The following CHRNA7 variants were observed in gnomAD, a reference collection of about 807,000 sequenced individuals.
CHRNA7 encodes neuronal acetylcholine receptor subunit alpha-7.
A neutral mutation model predicts 48.0 loss-of-function variants in CHRNA7; 17 were observed. The ratio of observed to expected loss-of-function variants is 0.35; its 90% CI spans 0.24 to 0.53. The LOEUF (loss-of-function observed/expected upper bound fraction) is 0.53. Ranked by LOEUF, CHRNA7 falls within the 20% of genes least tolerant of loss-of-function variation. CHRNA7 has a pLI of 0.92. For missense variants in CHRNA7, 155 were observed against 577.7 expected, an observed-to-expected ratio of 0.27 and a Z score of 7.50; for synonymous variants, 75 against 242.3, an observed-to-expected ratio of 0.31 and a Z score of 6.41.
At chr15:32,097,592 ATTT>A (rs1004664705) in intron 2 of CHRNA7, among the ~76,000 whole-genome samples, 66 of 152,256 alleles carry the variant, frequency 4.3e-4, no homozygotes, top group Admixed American at 1.2e-3. Flanking sequence ...ACAAACTTCT[ATTT>A]TTTATAAGCT....
At chr15:32,049,562 C>T (rs931017232) in intron 2 of CHRNA7, among the ~76,000 whole-genome samples, 6 of 152,156 alleles carry the variant, frequency 3.9e-5, no homozygotes, top group African/African-American at 1.4e-4. Context: ...GATGGGTTTC[C>T]TGAATACAGC....
chr15:32,149,592 T>C lies in CHRNA7; in HGVS notation c.351-4315T>C, dbSNP rs184414892. 2.0e-4 allele frequency among the ~76,000 whole-genome samples: 30 copies of C among 152,368 alleles called. No homozygotes were observed. Among genetic ancestry groups the C allele is most frequent in the Non-Finnish European group, 4.0e-4 (27 of 68,038 alleles). On this transcript the variant is annotated intron_variant, in intron 4 of 9. Coordinates refer to ENST00000306901, the MANE Select transcript of CHRNA7 (RefSeq NM_000746.6). This position sits in a 1 kb window ranked among gnomAD's most constrained non-coding sequence, Gnocchi z 4.6. Reference sequence around the variant, plus strand: ...AAGAGTTTACTTTTATACTATGTACTTATAAAATCAATTTGCCTATGGGAA... The same window carrying C: ...AAGAGTTTACTTTTATACTATGTACCTATAAAATCAATTTGCCTATGGGAA...
intron 2 of CHRNA7, among the ~76,000 whole-genome samples, chr15:32,070,407 C>G (rs1049095032): frequency 5.3e-5 from 8 of 151,978 alleles, no homozygotes; most frequent in African/African-American, 1.9e-4. Flanking sequence ...TATGTGGACT[C>G]TAAATGTAAG....
At chr15:32,114,904 G>C (rs1388081247) in intron 4 of CHRNA7, among the ~76,000 whole-genome samples, 1 of 152,234 alleles carries the variant, frequency 6.6e-6, no homozygotes, top group Non-Finnish European at 1.5e-5. Flanking sequence ...CCACAGCGGG[G>C]CAGGTCTGGG....
rs535530714 is a variant in CHRNA7, at chr15:32,030,515, G to C, written c.-80G>C. 2 of 1,312,522 alleles carry C rather than the reference G, an allele frequency of 1.5e-6. No individual in the cohort carries two copies. Among genetic ancestry groups the C allele is most frequent in the East Asian group, 3.2e-5 (1 of 31,612 alleles). The allele number at this position is 1,312,522 out of a possible 1,614,324, so 81.3% of individuals were successfully genotyped here. ...AGGCGCGCGAGCCGAGCGGCGAGGT[G>C]CCTCTGTGGCCGCAGGCGCAGGCCC... On this transcript the variant is annotated 5_prime_UTR_variant, in exon 1 of 10. Transcript: ENST00000306901.
rs201922897 is a variant in CHRNA7 at position 32,150,903 on chromosome 15, TC to T, written c.351-3002del. ...CAAGCAAAGAATATTTACATCTTGATCCTACCTCCTCCTCTCTCTTTCCCTA... is the reference window on the plus strand; with the variant it reads ...CAAGCAAAGAATATTTACATCTTGATCTACCTCCTCCTCTCTCTTTCCCTA... On this transcript the variant is annotated intron_variant, in intron 4 of 9. Transcript: ENST00000306901. Among the ~76,000 whole-genome samples, 191 of 152,070 alleles carry T rather than the reference TC, an allele frequency of 1.3e-3. 3 individuals are homozygous for T. The East Asian group carries it at 0.034, about 27-fold the overall frequency.
chr15:32,152,907 T>TGG (rs2051660678), intron 4 of CHRNA7, among the ~76,000 whole-genome samples: 1 of 151,894 alleles, frequency 6.6e-6, no homozygotes, highest in Non-Finnish European at 1.5e-5. Flanking sequence ...GTTGGGGCTG[T>TGG]GTGTGTGTGG....
intron 2 of CHRNA7, among the ~76,000 whole-genome samples, chr15:32,078,204 AGAG>A (rs1484531385): frequency 1.1e-4 from 16 of 152,094 alleles, no homozygotes; most frequent in Non-Finnish European, 2.1e-4. Context: ...TTTCTTTTGC[AGAG>A]GAGAAGTTTT....
chr15:32,064,241 C>A (rs367789024), intron 2 of CHRNA7, among the ~76,000 whole-genome samples: 16 of 152,034 alleles, frequency 1.1e-4, no homozygotes, highest in East Asian at 5.8e-4. Flanking sequence ...CTTTCTTCCT[C>A]CCCGTGCCCC....
intron 2 of CHRNA7, among the ~76,000 whole-genome samples, chr15:32,060,008 C>T (rs1053792414): frequency 2.9e-5 from 4 of 140,044 alleles, no homozygotes; most frequent in South Asian, 2.3e-4. Flanking sequence ...CAAAGTTTAC[C>T]ACCCACAAAT....
intron 4 of CHRNA7, among the ~76,000 whole-genome samples, chr15:32,126,771 A>G: frequency 6.6e-6 from 1 of 151,982 alleles, no homozygotes; most frequent in East Asian, 1.9e-4. Context: ...TAAGAAATGG[A>G]AAAAAAATTA....
At chr15:32,087,500 T>C (rs2050316790) in intron 2 of CHRNA7, among the ~76,000 whole-genome samples, 1 of 152,190 alleles carries the variant, frequency 6.6e-6, no homozygotes, top group African/African-American at 2.4e-5. Flanking sequence ...CATTGGGGCG[T>C]CATCATTTCT....
intron 2 of CHRNA7, among the ~76,000 whole-genome samples, chr15:32,083,405 A>G (rs1208156996): frequency 6.6e-6 from 1 of 151,876 alleles, no homozygotes; most frequent in African/African-American, 2.4e-5. Flanking sequence ...AGCCTCCAGA[A>G]CTGTGAGAAA....
At chr15:32,143,613 C>T (rs1421831865) in intron 4 of CHRNA7, among the ~76,000 whole-genome samples, 4 of 152,162 alleles carry the variant, frequency 2.6e-5, no homozygotes, top group African/African-American at 7.2e-5. Context: ...GTATTAGGTG[C>T]ATATATATTT....
chr15:32,123,118 C>T (rs1015141025), intron 4 of CHRNA7, among the ~76,000 whole-genome samples: 1 of 152,132 alleles, frequency 6.6e-6, no homozygotes. Context: ...GGAATATAAT[C>T]AGCACTCGTG....
intron 4 of CHRNA7, among the ~76,000 whole-genome samples, chr15:32,139,274 G>A (rs1442529396): frequency 6.6e-6 from 1 of 152,122 alleles, no homozygotes; most frequent in Admixed American, 6.5e-5. Flanking sequence ...TTCACCTACT[G>A]AAGGTTGCTT....
intron 2 of CHRNA7, among the ~76,000 whole-genome samples, chr15:32,091,797 A>G (rs1341077707): frequency 1.3e-5 from 2 of 152,160 alleles, no homozygotes; most frequent in African/African-American, 4.8e-5. Context: ...CGTACTTACA[A>G]TGTTCTTTTC....
Position 32,091,097 on chromosome 15 carries a change from C to T in CHRNA7, c.196-10206C>T, listed in dbSNP as rs189744262. On this transcript the variant is annotated intron_variant, in intron 2 of 9. Transcript: ENST00000306901. ...TTACTTTTGTTTTCTTCCAAATCTG[C>T]GTTTTTACCCCTAGAATATCTTATT... 1.1e-4 allele frequency among the ~76,000 whole-genome samples: 16 copies of T among 152,190 alleles called. No individual in the cohort carries two copies. The East Asian group carries it at 2.1e-3, about 20-fold the overall frequency.
chr15:32,137,046 A>G (rs890936082), intron 4 of CHRNA7, among the ~76,000 whole-genome samples: 1 of 147,288 alleles, frequency 6.8e-6, no homozygotes, highest in Non-Finnish European at 1.5e-5. Flanking sequence ...AAAAAAAAAA[A>G]GAAAAAAAAA....
Sources: gnomAD v4.1 joint callset for allele counts (sites outside exome capture counted in the v4.1 genomes callset) on GRCh38, gnomAD v4.1.1 for gene constraint, Gnocchi (gnomAD v3.1) non-coding constraint, MANE v1.5 for transcripts, NCBI Gene and HGNC (gene_info 2026-07-23, HGNC 2026-07-21) for gene names.